SPAG9: variants seen among roughly 807,000 people sequenced by gnomAD.
SPAG9 encodes the protein sperm associated antigen 9.
SPAG9 carries 35 observed loss-of-function variants against 166.5 expected under a neutral mutation model. The ratio of observed to expected loss-of-function variants is 0.21; its 90% CI spans 0.16 to 0.28. The LOEUF (loss-of-function observed/expected upper bound fraction) is 0.28. Ranked by LOEUF, SPAG9 falls within the 10% of genes least tolerant of loss-of-function variation. SPAG9 has a pLI of 1.00. For synonymous variants in SPAG9, 534 were observed against 565.5 expected (o/e 0.94, Z 0.79); for missense variants, 1,235 against 1,603.3 (o/e 0.77, Z 3.92).
At chr17:51,079,028 T>C (rs572014961) in intron 2 of SPAG9, among the ~76,000 whole-genome samples, 1 of 152,286 alleles carries the variant, frequency 6.6e-6, no homozygotes, top group Admixed American at 6.5e-5. Flanking sequence ...AAACAAAGGC[T>C]GAGATCTAAA....
At chr17:51,107,075 C>T (rs1340504271) in intron 1 of SPAG9, among the ~76,000 whole-genome samples, 2 of 150,280 alleles carry the variant, frequency 1.3e-5, no homozygotes, top group Non-Finnish European at 1.5e-5. Context: ...GCACTCTAGC[C>T]TGGGCAAGAG....
At chr17:51,085,474 T>C (rs1257042160) in intron 1 of SPAG9, 1 of 152,222 alleles carries the variant, frequency 6.6e-6, no homozygotes, top group Non-Finnish European at 1.5e-5. Flanking sequence ...TTTTTATCTA[T>C]ATCACTTTAA....
At chr17:50,983,250 A>C (rs1018539003) in intron 24 of SPAG9, among the ~76,000 whole-genome samples, 1 of 152,222 alleles carries the variant, frequency 6.6e-6, no homozygotes, top group East Asian at 1.9e-4. Flanking sequence ...ACACCTAGCT[A>C]AAGTCTGTCT....
At chr17:51,063,345 G>A (rs1266640160) in intron 2 of SPAG9, among the ~76,000 whole-genome samples, 1 of 151,386 alleles carries the variant, frequency 6.6e-6, no homozygotes, top group Non-Finnish European at 1.5e-5. Context: ...CTGGGAGGTG[G>A]AGGTTGCAGT....
chr17:51,014,849 C>A (rs1395852228), intron 8 of SPAG9, among the ~76,000 whole-genome samples: 1 of 151,232 alleles, frequency 6.6e-6, no homozygotes, highest in Non-Finnish European at 1.5e-5. Context: ...ACCCATGATA[C>A]AAAGGTTTTT....
chr17:51,054,982 T>C (rs1269486959), intron 3 of SPAG9, among the ~76,000 whole-genome samples: 2 of 152,192 alleles, frequency 1.3e-5, no homozygotes, highest in Non-Finnish European at 1.5e-5. Context: ...ATTATTCAAA[T>C]GCAATGTGTG....
At chr17:51,046,732 G>T in intron 4 of SPAG9, 1 of 1,535,778 alleles carries the variant, frequency 6.5e-7, no homozygotes, top group Non-Finnish European at 8.7e-7. Context: ...TATCTTTGTA[G>T]TGAGGATCTG....
chr17:51,075,210 AAAAAAAAAAAAG>A (rs2047935121), intron 2 of SPAG9, among the ~76,000 whole-genome samples: 1 of 150,030 alleles, frequency 6.7e-6, no homozygotes, highest in African/African-American at 2.4e-5. Flanking sequence ...AAAAAAAAAA[AAAAAAAAAAAAG>A]AAGAAGAAGA....
chr17:51,071,830 G>A (rs144662761), intron 2 of SPAG9, among the ~76,000 whole-genome samples: 37 of 152,220 alleles, frequency 2.4e-4, no homozygotes, highest in East Asian at 2.1e-3. Context: ...AGGGATGTGT[G>A]CTCCTAAAAT....
At chr17:51,035,345 T>C (rs1376383519) in intron 5 of SPAG9, among the ~76,000 whole-genome samples, 2 of 152,226 alleles carry the variant, frequency 1.3e-5, no homozygotes, top group Non-Finnish European at 2.9e-5. Flanking sequence ...TATGGAACTC[T>C]GCACTATTTT....
At chr17:51,064,637 C>A (rs1288674812) in intron 2 of SPAG9, among the ~76,000 whole-genome samples, 2 of 152,102 alleles carry the variant, frequency 1.3e-5, no homozygotes, top group African/African-American at 4.8e-5. Flanking sequence ...ATGTCCAGAA[C>A]AGGCAAATCT....
At chr17:51,118,385 C>T (rs753442684) in intron 1 of SPAG9, among the ~76,000 whole-genome samples, 6 of 152,144 alleles carry the variant, frequency 3.9e-5, no homozygotes, top group Non-Finnish European at 7.4e-5. Context: ...GTCTAGCAGT[C>T]GGGCAATTTT....
intron 6 of SPAG9, among the ~76,000 whole-genome samples, chr17:51,026,221 T>C (rs1017680225): frequency 6.6e-6 from 1 of 150,694 alleles, no homozygotes; most frequent in Non-Finnish European, 1.5e-5. Flanking sequence ...TCACAACATA[T>C]GAAGTGTGGC....
intron 1 of SPAG9, among the ~76,000 whole-genome samples, chr17:51,090,465 G>C (rs1176470030): frequency 6.6e-6 from 1 of 152,072 alleles, no homozygotes; most frequent in Non-Finnish European, 1.5e-5. Flanking sequence ...AGGTTGCAGT[G>C]AGCCGAGTCC....
At chr17:50,982,470 G>A (rs1974733257) in intron 25 of SPAG9, 54 bp downstream of exon 25, 3 of 1,507,708 alleles carry the variant, frequency 2.0e-6, no homozygotes, top group Non-Finnish European at 2.7e-6. Flanking sequence ...TAGTCTAATA[G>A]TCTTCGGATA....
At chr17:51,032,200 C>A (rs1250400605) in intron 5 of SPAG9, among the ~76,000 whole-genome samples, 12 of 152,246 alleles carry the variant, frequency 7.9e-5, no homozygotes, top group African/African-American at 2.6e-4. Context: ...TCACTCCTGT[C>A]GTCCAGGCTG....
At chr17:51,082,541 A>G (rs1264757205) in intron 1 of SPAG9, among the ~76,000 whole-genome samples, 1 of 152,182 alleles carries the variant, frequency 6.6e-6, no homozygotes, top group Non-Finnish European at 1.5e-5. Context: ...CCATGAAGTC[A>G]GGGATTTTTG....
intron 6 of SPAG9, among the ~76,000 whole-genome samples, chr17:51,024,586 G>A (rs1490914016): frequency 1.3e-5 from 2 of 151,690 alleles, no homozygotes; most frequent in African/African-American, 4.8e-5. Context: ...GGCGGCACAC[G>A]TCTGTAATCC....
At chr17:50,985,084 A>T in intron 23 of SPAG9, 94 bp from the exon 24 acceptor site, 1 of 1,005,810 alleles carries the variant, frequency 9.9e-7, no homozygotes, top group South Asian at 1.3e-5. Flanking sequence ...ACAAAGGGCC[A>T]ATCTGTGATG....
Sources: gnomAD v4.1 joint callset for allele counts (sites outside exome capture counted in the v4.1 genomes callset) on GRCh38, gnomAD v4.1.1 for gene constraint, MANE v1.5 for transcripts, NCBI Gene and HGNC (gene_info 2026-07-23, HGNC 2026-07-21) for gene names.